The following SERINC5 variants were observed in gnomAD, a reference collection of about 807,000 sequenced individuals.
SERINC5 encodes serine incorporator 5, also known as chromosome 5 open reading frame 12.
SERINC5 carries 41 observed loss-of-function variants against 63.1 expected under a neutral mutation model. The ratio of observed to expected loss-of-function variants is 0.65; its 90% CI spans 0.51 to 0.84. SERINC5 has a LOEUF of 0.84. Ranked by LOEUF, SERINC5 falls within the 40% of genes least tolerant of loss-of-function variation. The pLI is 0.00. For synonymous variants in SERINC5, 222 were observed against 215.2 expected (o/e 1.03, Z -0.28); for missense variants, 523 against 573.0 (o/e 0.91, Z 0.89).
chr5:80,188,282 CAAAAAAAAA>C lies in SERINC5; in HGVS notation c.196-10227_196-10219del, dbSNP rs34863168. Among the ~76,000 whole-genome samples, 4 of 82,790 alleles carry C rather than the reference CAAAAAAAAA, an allele frequency of 4.8e-5. No homozygotes were observed. In the East Asian group the frequency reaches 1.1e-3, roughly 22 times the overall value. 54.3% of individuals were successfully genotyped at this position (82,790 alleles called of 152,430 possible). A position where few individuals can be genotyped will look rare whatever the true frequency, so the allele number is the denominator to read the frequency against. On this transcript the variant is annotated intron_variant, in intron 2 of 11. Coordinates refer to ENST00000507668, the MANE Select transcript of SERINC5 (RefSeq NM_001174072.3). ...TGGGCGACAGAGCAAGACTCCGTCT[CAAAAAAAAA>C]AAAAAAAAAAAAAATCTAACTGCAA...
chr5:80,255,133 G>A (rs984493032), intron 1 of SERINC5: 1 of 152,186 alleles, frequency 6.6e-6, no homozygotes, highest in African/African-American at 2.4e-5. Context: ...GCATTACAGG[G>A]CTAAGACGTA....
intron 2 of SERINC5, among the ~76,000 whole-genome samples, chr5:80,196,591 G>A (rs902302625): frequency 6.6e-6 from 1 of 152,174 alleles, no homozygotes; most frequent in Non-Finnish European, 1.5e-5. Context: ...ATGTTCACAG[G>A]AGCATAATTT....
Position 80,187,942 on chromosome 5 carries a change from A to G in SERINC5, c.196-9878T>C, listed in dbSNP as rs1385258432. 2.6e-5 allele frequency among the ~76,000 whole-genome samples: 4 copies of G among 152,326 alleles called. No homozygotes were observed. In the East Asian group the frequency reaches 5.8e-4, roughly 22 times the overall value. ...GGAAGAAGGGCTCCTCCACAGATGC[A>G]GAACAGGATTCAACTCATTTCAATC... On this transcript the variant is annotated intron_variant, in intron 2 of 11. Coordinates refer to ENST00000507668, the MANE Select transcript of SERINC5 (RefSeq NM_001174072.3).
intron 2 of SERINC5, among the ~76,000 whole-genome samples, chr5:80,183,171 C>A (rs1250410929): frequency 1.3e-5 from 2 of 149,970 alleles, no homozygotes; most frequent in African/African-American, 5.1e-5. Context: ...GCAGAGAAAC[C>A]AGAGATTCTG....
At chr5:80,131,190 A>G (rs890314718) in intron 11 of SERINC5, among the ~76,000 whole-genome samples, 6 of 152,134 alleles carry the variant, frequency 3.9e-5, no homozygotes, top group Non-Finnish European at 8.8e-5. Context: ...TAACTGAATC[A>G]TGGGACTGGG....
At chr5:80,232,321 A>G (rs550944856) in intron 1 of SERINC5, among the ~76,000 whole-genome samples, 14 of 151,678 alleles carry the variant, frequency 9.2e-5, no homozygotes, top group South Asian at 8.3e-4. Context: ...GGAGAATGGC[A>G]AGAACCCGGG....
In SERINC5 at chr5:80,229,707, A is replaced by C. The variant is rs147220921; in HGVS notation, c.27+26189T>G. Among the ~76,000 whole-genome samples, 3 of 152,316 alleles carry C rather than the reference A, an allele frequency of 2.0e-5. No individual in the cohort carries two copies. In the East Asian group the frequency reaches 5.8e-4, roughly 29 times the overall value. On this transcript the variant is annotated intron_variant, in intron 1 of 11. Coordinates refer to ENST00000507668, the MANE Select transcript of SERINC5 (RefSeq NM_001174072.3). ...AATGATGAACATCTGTAAAGATTAC[A>C]TGAAATCACCCATGTAAAGTGCTCA... is the stretch of plus-strand genomic sequence containing the variant.
chr5:80,148,406 T>C (rs561007305), intron 9 of SERINC5, among the ~76,000 whole-genome samples: 138 of 151,976 alleles, frequency 9.1e-4, no homozygotes, highest in African/African-American at 3.2e-3. Context: ...GTCAGGCTGG[T>C]CTCGAACTCC....
intron 1 of SERINC5, among the ~76,000 whole-genome samples, chr5:80,233,087 G>A (rs1751525684): frequency 6.6e-6 from 1 of 152,184 alleles, no homozygotes; most frequent in African/African-American, 2.4e-5. Flanking sequence ...CACTTTAAAT[G>A]ACTGGGCTGT....
chr5:80,244,786 C>T (rs1258741315), intron 1 of SERINC5, among the ~76,000 whole-genome samples: 3 of 152,152 alleles, frequency 2.0e-5, no homozygotes, highest in Admixed American at 2.0e-4. Flanking sequence ...CGTGCCATTG[C>T]ACTCCAGCCT....
intron 1 of SERINC5, among the ~76,000 whole-genome samples, chr5:80,231,134 C>T (rs1423368372): frequency 6.6e-6 from 1 of 152,138 alleles, no homozygotes; most frequent in African/African-American, 2.4e-5. Flanking sequence ...TCTTAACTAC[C>T]TCACCAAAGT....
Position 80,142,749 on chromosome 5 carries a change from G to A in SERINC5, c.*914C>T. 2.0e-6 allele frequency: 2 copies of A among 985,086 alleles called. No homozygotes were observed. Among genetic ancestry groups the A allele is most frequent in the South Asian group, 4.7e-5 (1 of 21,292 alleles). The allele number at this position is 985,086 out of a possible 1,614,324, so 61.0% of individuals were successfully genotyped here. A position where few individuals can be genotyped will look rare whatever the true frequency, so the allele number is the denominator to read the frequency against. On this transcript the variant is annotated 3_prime_UTR_variant, in exon 12 of 12. Coordinates refer to ENST00000507668, the MANE Select transcript of SERINC5 (RefSeq NM_001174072.3). ...AACTGAAAGAGCAGTGCATGCAGCA[G>A]GCTTCAACACGAAGCAGCTTTTCAG... is the stretch of plus-strand genomic sequence containing the variant.
At chr5:80,162,372 C>CTT (rs1057101236) in intron 7 of SERINC5, among the ~76,000 whole-genome samples, 3 of 152,050 alleles carry the variant, frequency 2.0e-5, no homozygotes, top group African/African-American at 7.2e-5. Flanking sequence ...CGCTTGCATC[C>CTT]TTTTTATTTT....
intron 11 of SERINC5, among the ~76,000 whole-genome samples, chr5:80,121,129 C>T (rs565100261): frequency 2.6e-5 from 4 of 152,114 alleles, no homozygotes; most frequent in South Asian, 2.1e-4. Flanking sequence ...TCAGGTGATC[C>T]GCCCACTTTG....
chr5:80,158,643 T>C, intron 8 of SERINC5, 193 bp downstream of exon 8: 1 of 552,686 alleles, frequency 1.8e-6, no homozygotes, highest in African/African-American at 1.9e-5. Context: ...ATATTTGCTT[T>C]ATTTACCCCA....
chr5:80,153,675 C>T (rs1746331038), intron 8 of SERINC5, among the ~76,000 whole-genome samples: 1 of 152,024 alleles, frequency 6.6e-6, no homozygotes, highest in Non-Finnish European at 1.5e-5. Flanking sequence ...AGACTTACAG[C>T]ATTGGGTTAA....
chr5:80,129,304 TTTGA>T (rs1056500252), intron 11 of SERINC5: 3 of 150,844 alleles, frequency 2.0e-5, no homozygotes, highest in East Asian at 1.9e-4. Context: ...TGTTTGTTTG[TTTGA>T]TTGTTTTAGA....
chr5:80,225,963 T>C (rs917903872), intron 1 of SERINC5, among the ~76,000 whole-genome samples: 1 of 152,076 alleles, frequency 6.6e-6, no homozygotes, highest in Non-Finnish European at 1.5e-5. Flanking sequence ...AATAGTTACC[T>C]ATCATTTCTT....
chr5:80,135,527 T>C (rs1213280610), downstream of SERINC5, among the ~76,000 whole-genome samples: 1 of 152,092 alleles, frequency 6.6e-6, no homozygotes, highest in Non-Finnish European at 1.5e-5. Context: ...ATAACTACAA[T>C]AGAGAATCCC....
Sources: allele counts gnomAD v4.1 joint callset (sites outside exome capture counted in the v4.1 genomes callset), GRCh38; gene constraint gnomAD v4.1.1; transcripts MANE v1.5; gene names NCBI Gene and HGNC (gene_info 2026-07-23, HGNC 2026-07-21).